The following COLEC11 variants were observed in gnomAD, a reference collection of about 807,000 sequenced individuals.
COLEC11 encodes collectin-11.
A neutral mutation model predicts 27.3 loss-of-function variants in COLEC11; 20 were observed. That is an observed-to-expected ratio of 0.73 (90% confidence interval 0.51 to 1.06). The LOEUF (loss-of-function observed/expected upper bound fraction) is 1.06, where lower values mean the gene tolerates loss of function less well. Among genes scored for constraint, COLEC11 ranks in the 50% least tolerant of loss-of-function variants. The pLI, the probability that COLEC11 is intolerant of heterozygous loss-of-function variation, is 0.00. For missense variants in COLEC11, 310 were observed against 383.0 expected (o/e 0.81, Z 1.59); for synonymous variants, 163 against 154.7 (o/e 1.05, Z -0.40).
At chr2:3,595,796 C>T (rs527313157) in intron 1 of COLEC11, among the ~76,000 whole-genome samples, 3 of 152,268 alleles carry the variant, frequency 2.0e-5, no homozygotes, top group East Asian at 1.9e-4. Flanking sequence ...GGATGCCTTG[C>T]GCTAGGAACT....
chr2:3,626,236 G>T, intron 3 of COLEC11: 1 of 805,156 alleles, frequency 1.2e-6, no homozygotes. Flanking sequence ...TTGCTGGGAG[G>T]GAGGAATATT....
chr2:3,609,338 A>T (rs1371344239), intron 2 of COLEC11, among the ~76,000 whole-genome samples: 1 of 100,294 alleles, frequency 1.0e-5, no homozygotes, highest in African/African-American at 3.6e-5. Flanking sequence ...GTTACTATGA[A>T]CTATTTTTCT....
chr2:3,607,029 G>A (rs1331147954), intron 2 of COLEC11, among the ~76,000 whole-genome samples: 5 of 152,162 alleles, frequency 3.3e-5, no homozygotes, highest in African/African-American at 7.2e-5. Context: ...GTTCGGCCCC[G>A]GACACGGGGT....
At chr2:3,629,345 C>A (rs1467120474) in intron 3 of COLEC11, among the ~76,000 whole-genome samples, 1 of 152,170 alleles carries the variant, frequency 6.6e-6, no homozygotes. Flanking sequence ...ACCAATAGGT[C>A]CCAGTGTGTG....
chr2:3,604,409 A>C lies in COLEC11; in HGVS notation c.69A>C (p.Gly23=). Residue 23 remains glycine, a synonymous_variant, in exon 2 of 7, where the codon GGA becomes GGC. Coordinates refer to ENST00000349077, the MANE Select transcript of COLEC11 (RefSeq NM_024027.5). ...CCTTCCTGTCACTGCTGCCATCTGG[A>C]CATCCTCAGCCGGCTGGCGATGACG... is the stretch of plus-strand genomic sequence containing the variant. The part of the protein sequence containing the change: ...SLAFLSLLPS[G]HPQPAGDDAC... 1 of 1,614,166 alleles carries C rather than the reference A, an allele frequency of 6.2e-7. No individual in the cohort carries two copies. The highest frequency in any genetic ancestry group is 2.2e-5 in the East Asian group (1 of 44,868).
intron 1 of COLEC11, among the ~76,000 whole-genome samples, chr2:3,597,574 G>A (rs565880074): frequency 2.8e-4 from 42 of 152,278 alleles, no homozygotes; most frequent in South Asian, 8.3e-4. Flanking sequence ...TCTGCGGAGT[G>A]AGGGCAGTAA....
In COLEC11 at chr2:3,613,302, C is replaced by T. The variant is rs770447708; in HGVS notation, c.131-9C>T. 1.2e-6 allele frequency: 2 copies of T among 1,608,278 alleles called. No individual in the cohort carries two copies. ...ACGAGCTGCTAAATGGATGTGACTT[C>T]TTCCACAGGGGATGCGGGAGAGAAG... On this transcript the variant is annotated splice_polypyrimidine_tract_variant and intron_variant, in intron 2 of 6. Coordinates refer to ENST00000349077, the MANE Select transcript of COLEC11 (RefSeq NM_024027.5).
rs199526207 is a variant in COLEC11 at position 3,643,767 on chromosome 2, G to A, written c.465G>A (p.Leu155=). Residue 155 remains leucine, a synonymous_variant, in exon 7 of 7, where the codon CTG becomes CTA. Transcript: ENST00000349077. ...GVRETESKIY[L]LVKEEKRYAD... Reference sequence around the variant, plus strand: ...GCGAGACGGAGAGCAAGATCTACCTGCTGGTGAAGGAGGAGAAGCGCTACG... The same window carrying A: ...GCGAGACGGAGAGCAAGATCTACCTACTGGTGAAGGAGGAGAAGCGCTACG... 9.3e-6 allele frequency: 15 copies of A among 1,613,646 alleles called. No homozygotes were observed. The highest frequency in any genetic ancestry group is 1.3e-5 in the Non-Finnish European group (15 of 1,179,940).
intron 1 of COLEC11, among the ~76,000 whole-genome samples, chr2:3,597,546 G>A (rs943185762): frequency 6.6e-6 from 1 of 152,174 alleles, no homozygotes; most frequent in African/African-American, 2.4e-5. Flanking sequence ...GATCTTTGTT[G>A]AAGCCACTCC....
At chr2:3,613,177 A>C in intron 2 of COLEC11, 134 bp from the exon 3 acceptor site, 1 of 873,370 alleles carries the variant, frequency 1.1e-6, no homozygotes, top group Non-Finnish European at 1.9e-6. Context: ...GCGGGGAGGG[A>C]GGTAGGGAGA....
chr2:3,603,826 A>C, intron 1 of COLEC11: 1 of 666,650 alleles, frequency 1.5e-6, no homozygotes, highest in South Asian at 1.9e-5. Context: ...CTGCCACCTA[A>C]GGAGATGTGG....
intron 3 of COLEC11, among the ~76,000 whole-genome samples, chr2:3,614,148 G>T (rs1269850110): frequency 1.3e-5 from 2 of 149,776 alleles, no homozygotes; most frequent in Non-Finnish European, 3.0e-5. Flanking sequence ...TTTTTTGGGG[G>T]GTATTTTTAG....
rs1662343313 is a variant in COLEC11, at chr2:3,602,945, G to A, written c.-26-1370G>A. Among the ~76,000 whole-genome samples, 1 of 152,216 alleles carries A rather than the reference G, an allele frequency of 6.6e-6. No individual in the cohort carries two copies. The highest frequency in any genetic ancestry group is 2.4e-5 in the African/African-American group (1 of 41,460). On this transcript the variant is annotated intron_variant, in intron 1 of 6. Transcript: ENST00000349077. This position sits in a 1 kb window ranked among gnomAD's most constrained non-coding sequence, Gnocchi z 6.2. ...TCTGTCTCTGTCTGTCTGTCTGTCT[G>A]TCTCTTCCAATAGGAATAAAAACAT...
At chr2:3,616,482 T>C (rs1663745829) in intron 3 of COLEC11, among the ~76,000 whole-genome samples, 1 of 152,068 alleles carries the variant, frequency 6.6e-6, no homozygotes. Context: ...GAGCACTGAG[T>C]GAACGAGACT....
chr2:3,638,518 A>G (rs1665606807), intron 4 of COLEC11, among the ~76,000 whole-genome samples: 1 of 152,056 alleles, frequency 6.6e-6, no homozygotes, highest in Non-Finnish European at 1.5e-5. Context: ...TCTGCCTCGG[A>G]GCAGGTTGGC....
intron 3 of COLEC11, among the ~76,000 whole-genome samples, chr2:3,619,322 C>T (rs1036659392): frequency 6.6e-6 from 1 of 152,068 alleles, no homozygotes; most frequent in Non-Finnish European, 1.5e-5. Flanking sequence ...ATACAAGAGG[C>T]GAGAATGGGC....
rs576006271 is a variant in COLEC11, at chr2:3,635,756, G to A, written c.203-1777G>A. Among the ~76,000 whole-genome samples the A allele has an allele frequency of 7.5e-4, 114 of 152,280 alleles. 3 individuals carry two copies. Among genetic ancestry groups the A allele is most frequent in the Admixed American group, 9.8e-4 (15 of 15,300 alleles). On this transcript the variant is annotated intron_variant, in intron 3 of 6. Coordinates refer to ENST00000349077, the MANE Select transcript of COLEC11 (RefSeq NM_024027.5). ...ATTAGGATCTCCCTCTGCCTCCCTC[G>A]TCCCTGCATCGTCCCCCAGGCTGGA...
intron 3 of COLEC11, among the ~76,000 whole-genome samples, chr2:3,616,382 C>T (rs1252582503): frequency 3.3e-5 from 5 of 151,728 alleles, no homozygotes; most frequent in East Asian, 1.9e-4. Context: ...GCTGCAATCT[C>T]GGCACTTTGG....
At chr2:3,599,264 C>T (rs1229670390) in intron 1 of COLEC11, among the ~76,000 whole-genome samples, 1 of 152,184 alleles carries the variant, frequency 6.6e-6, no homozygotes, top group South Asian at 2.1e-4. Context: ...TTTACAAAGT[C>T]ATTTCTGTAA....
Sources: allele counts gnomAD v4.1 joint callset (sites outside exome capture counted in the v4.1 genomes callset), GRCh38; gene constraint gnomAD v4.1.1; non-coding constraint Gnocchi (gnomAD v3.1); transcripts MANE v1.5; gene names NCBI Gene and HGNC (gene_info 2026-07-23, HGNC 2026-07-21).